The following DNAH11 variants were observed in gnomAD, a reference collection of about 807,000 sequenced individuals.
DNAH11 encodes the protein axonemal beta dynein heavy chain 11.
A neutral mutation model predicts 526.0 loss-of-function variants in DNAH11; 442 were observed. The observed-to-expected ratio is 0.84, with a 90% CI of 0.78 to 0.91. The LOEUF is 0.91. Among genes scored for constraint, DNAH11 ranks in the 40% least tolerant of loss-of-function variants. The probability of loss-of-function intolerance (pLI) is 0.00; values close to 1 mark genes in which losing one functional copy is unlikely to be tolerated. For missense variants in DNAH11, 6,989 were observed against 5,448.7 expected (o/e 1.28, Z -8.90); for synonymous variants, 2,461 against 1,935.9 (o/e 1.27, Z -7.12).
intron 8 of DNAH11, among the ~76,000 whole-genome samples, chr7:21,581,061 C>T (rs1335910627): frequency 1.3e-5 from 2 of 152,162 alleles, no homozygotes; most frequent in African/African-American, 2.4e-5. Context: ...GAATTACTCA[C>T]GTGCTAACTG....
chr7:21,662,442 C>A (rs1051868531), intron 30 of DNAH11, among the ~76,000 whole-genome samples: 3 of 151,904 alleles, frequency 2.0e-5, no homozygotes, highest in Non-Finnish European at 4.4e-5. Context: ...GTTGCAGATA[C>A]CATAATCTTT....
At chr7:21,867,756 G>C (rs759589077) in intron 71 of DNAH11, 103 bp from the exon 72 acceptor site, 51 of 1,038,346 alleles carry the variant, frequency 4.9e-5, no homozygotes, top group Non-Finnish European at 6.8e-5. Context: ...TAATAAACCT[G>C]GTTACTTCTA....
At chr7:21,659,790 G>C (rs1233214335) in intron 30 of DNAH11, among the ~76,000 whole-genome samples, 1 of 152,038 alleles carries the variant, frequency 6.6e-6, no homozygotes, top group Non-Finnish European at 1.5e-5. Flanking sequence ...CCCCTTTTCT[G>C]CTTTAGCAGT....
At position 21,773,752 on chromosome 7, in the gene DNAH11, G is replaced by T; in HGVS notation, c.9103-14G>T. On this transcript the variant is annotated splice_polypyrimidine_tract_variant and intron_variant, in intron 55 of 81. Transcript: ENST00000409508. ...GAGAGGATTTCACATGAACTGTAAT[G>T]TTTGTGTTTTCAGCCAGTGCACAAA... is the stretch of plus-strand genomic sequence containing the variant. The T allele has an allele frequency of 2.7e-6, 4 of 1,476,246 alleles. No homozygotes were observed. Among genetic ancestry groups the T allele is most frequent in the Middle Eastern group, 1.8e-4 (1 of 5,668 alleles). The allele number at this position is 1,476,246 out of a possible 1,614,324, so 91.4% of individuals were successfully genotyped here. A position where few individuals can be genotyped will look rare whatever the true frequency, so the allele number is the denominator to read the frequency against.
intron 66 of DNAH11, among the ~76,000 whole-genome samples, chr7:21,843,291 A>G (rs994926029): frequency 2.6e-5 from 4 of 152,174 alleles, no homozygotes; most frequent in African/African-American, 9.7e-5. Context: ...CTGACATAGA[A>G]AATAGACAAA....
chr7:21,766,763 A>C (rs921920550), intron 55 of DNAH11, among the ~76,000 whole-genome samples: 1 of 151,412 alleles, frequency 6.6e-6, no homozygotes, highest in Non-Finnish European at 1.5e-5. Context: ...GTATTCACCA[A>C]CACCTACAGA....
At chr7:21,606,979 T>C (rs760185861) in intron 20 of DNAH11, among the ~76,000 whole-genome samples, 1 of 152,108 alleles carries the variant, frequency 6.6e-6, no homozygotes, top group Non-Finnish European at 1.5e-5. Context: ...GATAGATGTA[T>C]ATAGGAAAGG....
Position 21,591,228 on chromosome 7 carries a change from TCAAA to T in DNAH11, c.2321_2324del (p.Lys774ArgfsTer10), listed in dbSNP as rs773538041. The T allele has an allele frequency of 6.3e-7, 1 of 1,578,538 alleles. No homozygotes were observed. The highest frequency in any genetic ancestry group is 8.6e-7 in the Non-Finnish European group (1 of 1,163,360). ...CTTCTTGTGCAAGGGTATAATAAAC[TCAAA>T]CAGACGCTCCTGGAAGTTGAATACC... On this transcript the variant is annotated frameshift_variant, in exon 14 of 82. Transcript: ENST00000409508. LOFTEE classifies it high-confidence loss of function.
chr7:21,649,156 A>G (rs1166485309), intron 28 of DNAH11, among the ~76,000 whole-genome samples: 2 of 152,242 alleles, frequency 1.3e-5, no homozygotes, highest in Non-Finnish European at 2.9e-5. Flanking sequence ...AATGGAAAGG[A>G]TGTGGAGTAA....
At chr7:21,801,109 C>T (rs1161819430) in intron 61 of DNAH11, 28 bp from the exon 62 acceptor site, 3 of 1,582,750 alleles carry the variant, frequency 1.9e-6, no homozygotes, top group Middle Eastern at 1.7e-4. Flanking sequence ...CTAAAAATGA[C>T]TCAAAAGTTA....
rs1234355969 is a variant in DNAH11, at chr7:21,543,140, C to G, written c.-106C>G. ...GACTAGGGTCTGCGCTCGCGGCGAC[C>G]GCGGAGGAGGGTGGGCGCCTGCGGA... On this transcript the variant is annotated 5_prime_UTR_variant, in exon 1 of 82. Transcript: ENST00000409508. 1 of 1,433,842 alleles carries G rather than the reference C, an allele frequency of 7.0e-7. No homozygotes were observed. The highest frequency in any genetic ancestry group is 9.1e-7 in the Non-Finnish European group (1 of 1,101,042). The allele number at this position is 1,433,842 out of a possible 1,614,324, so 88.8% of individuals were successfully genotyped here.
Position 21,571,769 on chromosome 7 carries a change from A to G in DNAH11, c.1426-37A>G, listed in dbSNP as rs758896202. ...AAACTTTAAAATATTTTGCTGCTCA[A>G]TGTAGTGGAAAGGTCTTTACTGTGT... On this transcript the variant is annotated intron_variant, in intron 7 of 81. Coordinates refer to ENST00000409508, the MANE Select transcript of DNAH11 (RefSeq NM_001277115.2). The G allele has an allele frequency of 5.9e-6, 9 of 1,526,352 alleles. No individual in the cohort carries two copies. In the South Asian group the frequency reaches 8.0e-5, roughly 14 times the overall value. The allele number at this position is 1,526,352 out of a possible 1,614,324, so 94.6% of individuals were successfully genotyped here.
intron 37 of DNAH11, among the ~76,000 whole-genome samples, 191 bp downstream of exon 37, chr7:21,702,993 G>A (rs954994476): frequency 6.6e-6 from 1 of 152,152 alleles, no homozygotes; most frequent in Admixed American, 6.5e-5. Context: ...ACAAAGATAT[G>A]AATCTGGAAA....
In DNAH11 at chr7:21,842,495, G is replaced by C. The variant is rs375475835; in HGVS notation, c.10692-49G>C. ...GGAATGGAATGACACCGTAGTATCAGTTATGGGTCATAGGAGTCTCCTGAA... is the reference window on the plus strand; with the variant it reads ...GGAATGGAATGACACCGTAGTATCACTTATGGGTCATAGGAGTCTCCTGAA... On this transcript the variant is annotated intron_variant, in intron 65 of 81. Transcript: ENST00000409508. 7.0e-4 allele frequency: 1,048 copies of C among 1,495,458 alleles called. 1 individual carries two copies. Among genetic ancestry groups the C allele is most frequent in the Non-Finnish European group, 9.0e-4 (981 of 1,084,468 alleles). The allele number at this position is 1,495,458 out of a possible 1,614,324, so 92.6% of individuals were successfully genotyped here. A position where few individuals can be genotyped will look rare whatever the true frequency, so the allele number is the denominator to read the frequency against.
intron 51 of DNAH11, among the ~76,000 whole-genome samples, chr7:21,746,148 G>A (rs1228150186): frequency 6.6e-6 from 1 of 152,206 alleles, no homozygotes; most frequent in Non-Finnish European, 1.5e-5. Context: ...GGGCTAAACA[G>A]CTTAACATTG....
At chr7:21,882,609 A>G (rs1783963439) in intron 75 of DNAH11, among the ~76,000 whole-genome samples, 1 of 152,164 alleles carries the variant, frequency 6.6e-6, no homozygotes, top group South Asian at 2.1e-4. Flanking sequence ...CAGCCTGGGT[A>G]ACATGGGGAA....
chr7:21,682,716 T>A (rs549493829), intron 31 of DNAH11, among the ~76,000 whole-genome samples: 39 of 152,196 alleles, frequency 2.6e-4, no homozygotes, highest in Admixed American at 7.2e-4. Flanking sequence ...ACAATTCGAA[T>A]GCCTGTACGT....
In DNAH11 at chr7:21,606,507, G is replaced by A. The variant is rs1223706529; in HGVS notation, c.3730G>A (p.Val1244Ile). The A allele has an allele frequency of 1.9e-6, 3 of 1,610,772 alleles. No homozygotes were observed. The highest frequency in any genetic ancestry group is 2.5e-6 in the Non-Finnish European group (3 of 1,179,214). The change falls in exon 19 of 82, where the codon GTC becomes ATC. Residue 1244 changes from valine to isoleucine, a missense_variant. Physicochemically the swap from Val to Ile is conservative, Grantham distance 29. Transcript: ENST00000409508. ...HEVSPLHNAEVTLIRKKCILF... is the reference protein window; with the variant it reads ...HEVSPLHNAEITLIRKKCILF... Reference sequence around the variant, plus strand: ...AGTCTCACCTCTCCATAATGCGGAAGTCACTCTTATAAGGAAAAAATGTAT... The same window carrying A: ...AGTCTCACCTCTCCATAATGCGGAAATCACTCTTATAAGGAAAAAATGTAT...
chr7:21,809,446 G>A (rs755791843), intron 63 of DNAH11, among the ~76,000 whole-genome samples: 2 of 151,880 alleles, frequency 1.3e-5, no homozygotes, highest in Non-Finnish European at 2.9e-5. Flanking sequence ...TTGCCCAGAT[G>A]TCCTGAAGCA....
Sources: allele counts gnomAD v4.1 joint callset (sites outside exome capture counted in the v4.1 genomes callset), GRCh38; gene constraint gnomAD v4.1.1; transcripts MANE v1.5; gene names NCBI Gene and HGNC (gene_info 2026-07-23, HGNC 2026-07-21).